Variants in DOCK1 observed in about 807,000 individuals in gnomAD.
DOCK1 encodes dedicator of cytokinesis protein 1.
A neutral mutation model predicts 262.7 loss-of-function variants in DOCK1; 138 were observed. That is an observed-to-expected ratio of 0.53 (90% CI 0.46 to 0.61). The LOEUF (loss-of-function observed/expected upper bound fraction) is 0.61, where lower values mean the gene tolerates loss of function less well. Among genes scored for constraint, DOCK1 ranks in the 20% least tolerant of loss-of-function variants. The pLI is 0.00. For synonymous variants in DOCK1, 866 were observed against 867.4 expected, an observed-to-expected ratio of 1.00 and a Z score of 0.03; for missense variants, 1,908 against 2,370.7, an observed-to-expected ratio of 0.80 and a Z score of 4.05.
At chr10:127,116,117 CTGTT>C (rs1345192753) in intron 25 of DOCK1, among the ~76,000 whole-genome samples, 1 of 152,116 alleles carries the variant, frequency 6.6e-6, no homozygotes, top group South Asian at 2.1e-4. Context: ...TTCTGTTTGT[CTGTT>C]TGTTGTTTTT....
At chr10:127,127,557 A>G (rs1378223677) in intron 26 of DOCK1, 112 bp from the exon 27 acceptor site, 9 of 733,570 alleles carry the variant, frequency 1.2e-5, no homozygotes, top group Non-Finnish European at 1.9e-5. Context: ...CATCTCATTA[A>G]GGGTTATAAT....
chr10:127,188,569 C>G (rs1286304620), intron 27 of DOCK1, among the ~76,000 whole-genome samples: 2 of 152,134 alleles, frequency 1.3e-5, no homozygotes, highest in African/African-American at 4.8e-5. Flanking sequence ...AGGGGGTGCT[C>G]AAGGTCTTCC....
intron 47 of DOCK1, among the ~76,000 whole-genome samples, chr10:127,426,983 C>T (rs1007378196): frequency 2.6e-5 from 4 of 152,138 alleles, no homozygotes; most frequent in African/African-American, 4.8e-5. Context: ...ACAGTGCTGC[C>T]CTGCTTTGCA....
At chr10:127,342,369 T>C (rs2063471782) in intron 30 of DOCK1, among the ~76,000 whole-genome samples, 1 of 152,202 alleles carries the variant, frequency 6.6e-6, no homozygotes, top group Admixed American at 6.5e-5. Context: ...AGCCCCATTG[T>C]GGGCTCTGAG....
chr10:127,109,304 G>A (rs1045436805), intron 24 of DOCK1, among the ~76,000 whole-genome samples: 1 of 152,150 alleles, frequency 6.6e-6, no homozygotes, highest in African/African-American at 2.4e-5. Context: ...TGTTTATGTA[G>A]TTACTAACAA....
Position 127,415,152 on chromosome 10 carries a change from A to C in DOCK1, c.4429A>C (p.Asn1477His). ...TTGTGTGTGTGTGTTTCCTTTGCAGAATATGTGGATCGAGAGAACCATATA... is the reference window on the plus strand; with the variant it reads ...TTGTGTGTGTGTGTTTCCTTTGCAGCATATGTGGATCGAGAGAACCATATA... ...GEKNPDNEFA[N>H]MWIERTIYTT... Residue 1477 changes from asparagine to histidine, a missense_variant and splice_region_variant, in exon 44 of 52, where the codon AAT becomes CAT. Around this residue, in one of 9 missense-constraint regions of DOCK1, gnomAD observed 267 missense variants for 366.3 expected, o/e 0.73. Coordinates refer to ENST00000623213, the MANE Select transcript of DOCK1 (RefSeq NM_001290223.2). The C allele has an allele frequency of 6.2e-7, 1 of 1,613,106 alleles. No homozygotes were observed. The highest frequency in any genetic ancestry group is 8.5e-7 in the Non-Finnish European group (1 of 1,179,630).
intron 27 of DOCK1, among the ~76,000 whole-genome samples, chr10:127,232,312 T>C (rs2058876797): frequency 6.6e-6 from 1 of 152,148 alleles, no homozygotes; most frequent in African/African-American, 2.4e-5. Context: ...GTTTCTCTTT[T>C]GAATGTCTTG....
At chr10:127,277,690 G>A (rs1263954122) in intron 29 of DOCK1, among the ~76,000 whole-genome samples, 2 of 152,142 alleles carry the variant, frequency 1.3e-5, no homozygotes, top group African/African-American at 4.8e-5. Flanking sequence ...TTGAACCTGG[G>A]ACGCAGAGGT....
At chr10:127,380,033 CT>C in intron 35 of DOCK1, 48 bp from the exon 36 acceptor site, 2 of 1,315,682 alleles carry the variant, frequency 1.5e-6, no homozygotes, top group Non-Finnish European at 1.1e-6. Context: ...CATGTGATAC[CT>C]TTTGTGGAAC....
At chr10:127,282,245 C>T (rs1212842008) in intron 29 of DOCK1, among the ~76,000 whole-genome samples, 1 of 151,522 alleles carries the variant, frequency 6.6e-6, no homozygotes, top group Non-Finnish European at 1.5e-5. Flanking sequence ...CTGTCTGTCT[C>T]TTTTCTCTCT....
chr10:127,210,834 C>T (rs2057942265), intron 27 of DOCK1, among the ~76,000 whole-genome samples: 1 of 152,286 alleles, frequency 6.6e-6, no homozygotes, highest in African/African-American at 2.4e-5. Context: ...CTGAATTTCT[C>T]CAAAGAGAAA....
At chr10:127,161,328 C>A (rs2053576592) in intron 27 of DOCK1, among the ~76,000 whole-genome samples, 1 of 152,168 alleles carries the variant, frequency 6.6e-6, no homozygotes, top group African/African-American at 2.4e-5. Flanking sequence ...CCCAGGATCA[C>A]CCCTTCATTA....
chr10:127,051,144 C>G (rs1300516017), intron 21 of DOCK1, among the ~76,000 whole-genome samples: 2 of 151,758 alleles, frequency 1.3e-5, no homozygotes, highest in African/African-American at 2.4e-5. Context: ...AGTGTGTAAA[C>G]TTTTTTATCA....
At chr10:127,177,683 G>C (rs2055305205) in intron 27 of DOCK1, among the ~76,000 whole-genome samples, 1 of 152,218 alleles carries the variant, frequency 6.6e-6, no homozygotes, top group Non-Finnish European at 1.5e-5. Context: ...TGTCCTGGGG[G>C]TGTCTGAAAA....
chr10:127,096,149 GTCTT>G (rs1443026303), intron 23 of DOCK1, among the ~76,000 whole-genome samples: 5 of 152,162 alleles, frequency 3.3e-5, no homozygotes, highest in Non-Finnish European at 7.4e-5. Flanking sequence ...TGTTGCCATC[GTCTT>G]TCTTTTTGTT....
chr10:126,997,164 G>T (rs1346015513), intron 7 of DOCK1, among the ~76,000 whole-genome samples: 1 of 152,144 alleles, frequency 6.6e-6, no homozygotes, highest in Non-Finnish European at 1.5e-5. Flanking sequence ...CACAAGACTT[G>T]ATTCTGCATT....
At chr10:126,987,447 G>A in intron 4 of DOCK1, 74 bp from the exon 5 acceptor site, 1 of 1,292,534 alleles carries the variant, frequency 7.7e-7, no homozygotes, top group Non-Finnish European at 1.1e-6. Flanking sequence ...GCCTAGATGT[G>A]AAATTTACCA....
At chr10:126,986,469 C>G (rs1365021389) in intron 4 of DOCK1, among the ~76,000 whole-genome samples, 1 of 152,190 alleles carries the variant, frequency 6.6e-6, no homozygotes, top group Admixed American at 6.5e-5. Flanking sequence ...GCCAGCTAGC[C>G]TAACTACACC....
intron 29 of DOCK1, among the ~76,000 whole-genome samples, chr10:127,317,561 C>T (rs2062337814): frequency 1.3e-5 from 2 of 152,216 alleles, no homozygotes; most frequent in Admixed American, 6.5e-5. Context: ...ACACAGTGTC[C>T]GGAGTCAGGA....
Sources: allele counts gnomAD v4.1 joint callset (sites outside exome capture counted in the v4.1 genomes callset), GRCh38; gene constraint gnomAD v4.1.1; regional missense constraint gnomAD v4.1.1; transcripts MANE v1.5; gene names NCBI Gene and HGNC (gene_info 2026-07-23, HGNC 2026-07-21).